Variants in NUP155 observed in about 807,000 individuals in gnomAD.
The protein encoded by NUP155 is nuclear pore complex protein Nup155.
NUP155 carries 71 observed loss-of-function variants against 180.4 expected under a neutral mutation model. The observed-to-expected ratio is 0.39, with a 90% CI of 0.33 to 0.48. The LOEUF (loss-of-function observed/expected upper bound fraction) is 0.48. Among genes scored for constraint, NUP155 ranks in the 20% least tolerant of loss-of-function variants. NUP155 has a pLI of 0.91. For synonymous variants in NUP155, 582 were observed against 559.5 expected, an observed-to-expected ratio of 1.04 and a Z score of -0.57; for missense variants, 1,553 against 1,648.9, an observed-to-expected ratio of 0.94 and a Z score of 1.01.
chr5:37,341,951 A>G (rs1179334101), intron 10 of NUP155, among the ~76,000 whole-genome samples: 1 of 152,272 alleles, frequency 6.6e-6, no homozygotes, highest in East Asian at 1.9e-4. Context: ...AAGAACTTGC[A>G]AAGACAAACC....
chr5:37,333,919 A>C (rs1745144684), intron 12 of NUP155, among the ~76,000 whole-genome samples: 1 of 151,592 alleles, frequency 6.6e-6, no homozygotes, highest in Non-Finnish European at 1.5e-5. Flanking sequence ...CTCCTGCCTC[A>C]GCCTCCCTAG....
intron 13 of NUP155, among the ~76,000 whole-genome samples, chr5:37,332,313 CTTTTT>C (rs1021002313): frequency 1.0e-4 from 9 of 87,728 alleles, no homozygotes; most frequent in Admixed American, 3.8e-4. Context: ...GCCATTACAG[CTTTTT>C]TTTTTTTTTT....
chr5:37,289,024 T>G lies in NUP155; in HGVS notation c.*2876A>C, dbSNP rs1742134282. On this transcript the variant is annotated 3_prime_UTR_variant, in exon 35 of 35. Transcript: ENST00000231498. Reference sequence around the variant, plus strand: ...AAGTGGAGGTTGTGGTGAGCCAAGATCGTGCCATTGCACTCCAGCCTGGGC... The same window carrying G: ...AAGTGGAGGTTGTGGTGAGCCAAGAGCGTGCCATTGCACTCCAGCCTGGGC... The G allele has an allele frequency of 6.5e-6, 1 of 154,604 alleles. No homozygotes were observed. The highest frequency in any genetic ancestry group is 1.4e-5 in the Non-Finnish European group (1 of 70,044). The allele number at this position is 154,604 out of a possible 1,614,324, so 9.6% of individuals were successfully genotyped here. A position where few individuals can be genotyped will look rare whatever the true frequency, so the allele number is the denominator to read the frequency against.
At position 37,348,663 on chromosome 5, in the gene NUP155, C is replaced by CT; in HGVS notation, c.904-68dup. 3.3e-6 allele frequency: 3 copies of CT among 912,090 alleles called. No individual in the cohort carries two copies. The South Asian group carries it at 4.0e-5, about 12-fold the overall frequency. The allele number at this position is 912,090 out of a possible 1,614,324, so 56.5% of individuals were successfully genotyped here. ...CTATACACATATTATTAAACTCTTT[C>CT]TTTTAAGGGATCCTTTAATATTGGT... is the stretch of plus-strand genomic sequence containing the variant. On this transcript the variant is annotated intron_variant, in intron 8 of 34. Transcript: ENST00000231498.
chr5:37,366,434 A>G (rs1747587535), intron 1 of NUP155, among the ~76,000 whole-genome samples: 1 of 152,058 alleles, frequency 6.6e-6, no homozygotes, highest in Admixed American at 6.6e-5. Flanking sequence ...TCCTTCCCCA[A>G]TTATCTTTTT....
intron 31 of NUP155, 128 bp downstream of exon 31, chr5:37,299,320 C>A: frequency 8.9e-7 from 1 of 1,120,882 alleles, no homozygotes; most frequent in East Asian, 2.4e-5. Flanking sequence ...TCCACTTACT[C>A]TCTTCTTAGG....
At chr5:37,331,098 G>A (rs534650733) in intron 14 of NUP155, among the ~76,000 whole-genome samples, 242 of 150,868 alleles carry the variant, frequency 1.6e-3, no homozygotes, top group Non-Finnish European at 2.8e-3. Context: ...AGAGTGAGCC[G>A]AGATCACGCC....
rs558532638 is a variant in NUP155, at chr5:37,317,038, G to A, written c.2305+950C>T. On this transcript the variant is annotated intron_variant, in intron 21 of 34. Transcript: ENST00000231498. ...AAAAAAATTAGCCAGGTGTGGTGGC[G>A]GGCGCCTGTAGTCCCAGCTACTCAG... Among the ~76,000 whole-genome samples, 13 of 150,938 alleles carry A rather than the reference G, an allele frequency of 8.6e-5. No homozygotes were observed. The South Asian group carries it at 2.1e-3, about 24-fold the overall frequency.
intron 12 of NUP155, 109 bp from the exon 13 acceptor site, chr5:37,333,742 T>C (rs1745131439): frequency 2.7e-6 from 2 of 728,864 alleles, no homozygotes. Flanking sequence ...TACATTAACA[T>C]GAATATTTTT....
chr5:37,291,892 C>T lies in NUP155; in HGVS notation c.*8G>A. 6.2e-7 allele frequency: 1 copy of T among 1,613,210 alleles called. No homozygotes were observed. Among genetic ancestry groups the T allele is most frequent in the South Asian group, 1.1e-5 (1 of 91,040 alleles). Reference sequence around the variant, plus strand: ...GATCATAAAACGGATGAAAGTATATCACAGTAATTAATGAAGCCGTTCTAA... The same window carrying T: ...GATCATAAAACGGATGAAAGTATATTACAGTAATTAATGAAGCCGTTCTAA... On this transcript the variant is annotated 3_prime_UTR_variant, in exon 35 of 35. Coordinates refer to ENST00000231498, the MANE Select transcript of NUP155 (RefSeq NM_153485.3).
intron 27 of NUP155, among the ~76,000 whole-genome samples, 187 bp from the exon 28 acceptor site, chr5:37,303,601 T>C (rs1742981125): frequency 6.6e-6 from 1 of 152,234 alleles, no homozygotes; most frequent in Non-Finnish European, 1.5e-5. Flanking sequence ...AATTTTTGTT[T>C]TACCACAGTT....
At chr5:37,313,275 C>CA (rs1743639004) in intron 22 of NUP155, among the ~76,000 whole-genome samples, 1 of 151,466 alleles carries the variant, frequency 6.6e-6, no homozygotes, top group Non-Finnish European at 1.5e-5. Context: ...TACTAAAATA[C>CA]AAAAAATTAG....
At chr5:37,295,301 G>T (rs1349356689) in intron 32 of NUP155, among the ~76,000 whole-genome samples, 1 of 152,150 alleles carries the variant, frequency 6.6e-6, no homozygotes, top group Non-Finnish European at 1.5e-5. Context: ...CGCCAGCCTC[G>T]GCCTCCAGAG....
intron 25 of NUP155, among the ~76,000 whole-genome samples, chr5:37,306,187 T>TA (rs762534628): frequency 4.0e-5 from 6 of 151,788 alleles, no homozygotes; most frequent in African/African-American, 1.2e-4. Context: ...GCCCAGGAGT[T>TA]AAAGACCAGC....
rs1746369803 is a variant in NUP155, at chr5:37,350,268, T to TA, written c.724-4dup. ...TGGCTAAACCACCCTGCTTCAGCCT[T>TA]AAAGAAAAAAGTAGAAAGACGACTT... On this transcript the variant is annotated splice_region_variant and splice_polypyrimidine_tract_variant and intron_variant, in intron 6 of 34. Transcript: ENST00000231498. 1 of 1,605,912 alleles carries TA rather than the reference T, an allele frequency of 6.2e-7. No individual in the cohort carries two copies. The highest frequency in any genetic ancestry group is 2.2e-5 in the East Asian group (1 of 44,782).
chr5:37,358,120 C>T lies in NUP155; in HGVS notation c.424G>A (p.Glu142Lys). 6.2e-7 allele frequency: 1 copy of T among 1,613,422 alleles called. No homozygotes were observed. The highest frequency in any genetic ancestry group is 8.5e-7 in the Non-Finnish European group (1 of 1,179,374). The change falls in exon 4 of 35, where the codon GAG (glutamate) becomes AAG (lysine). Residue 142 changes from glutamate (E) to lysine (K), a missense_variant. Coordinates refer to ENST00000231498, the MANE Select transcript of NUP155 (RefSeq NM_153485.3). ...GDLAYFDGLS[E>K]TILAVGLVKP... ...ACAAGCCCCACAGCAAGAATAGTCT[C>T]ACTAAGTCCATCAAAATAGGCAAGG...
At chr5:37,367,535 CTT>C (rs376801237) in intron 1 of NUP155, among the ~76,000 whole-genome samples, 50 of 135,592 alleles carry the variant, frequency 3.7e-4, no homozygotes, top group African/African-American at 4.6e-4. Flanking sequence ...TTTCTTTTTC[CTT>C]TTTTTTTTTT....
intron 11 of NUP155, among the ~76,000 whole-genome samples, chr5:37,339,044 A>G (rs1463287084): frequency 1.3e-5 from 2 of 152,158 alleles, no homozygotes; most frequent in African/African-American, 4.8e-5. Flanking sequence ...TGAAGGTGCT[A>G]GAGGAATGGC....
At chr5:37,365,506 G>A (rs1033480495) in intron 1 of NUP155, among the ~76,000 whole-genome samples, 1 of 151,412 alleles carries the variant, frequency 6.6e-6, no homozygotes, top group African/African-American at 2.4e-5. Flanking sequence ...AGGAGTTCAA[G>A]ACCAGCCTGG....
Sources: allele counts gnomAD v4.1 joint callset (sites outside exome capture counted in the v4.1 genomes callset), GRCh38; gene constraint gnomAD v4.1.1; transcripts MANE v1.5; gene names NCBI Gene and HGNC (gene_info 2026-07-23, HGNC 2026-07-21).